Variants in NAGPA observed in about 807,000 individuals in gnomAD.
The protein encoded by NAGPA is alpha-N-acetylglucosaminyl phosphodiesterase.
Under a neutral mutation model 48.5 loss-of-function variants are expected in NAGPA, and 56 were observed. The ratio of observed to expected loss-of-function variants is 1.15; its 90% CI spans 0.93 to 1.44. NAGPA has a LOEUF of 1.44. Ranked by LOEUF, NAGPA falls within the 40% of genes most tolerant of loss-of-function variation. The pLI, the probability that NAGPA is intolerant of heterozygous loss-of-function variation, is 0.00. For missense variants in NAGPA, 888 were observed against 735.0 expected, an observed-to-expected ratio of 1.21 and a Z score of -2.41; for synonymous variants, 399 against 315.5, an observed-to-expected ratio of 1.26 and a Z score of -2.81.
In NAGPA at chr16:5,025,241, A is replaced by G; in HGVS notation, c.*237T>C. Reference sequence around the variant, plus strand: ...GGGCTTCTCGGCAGCAGACACAGGCAGGCCAGAAGCAGGCAGCTGAGCCTC... The same window carrying G: ...GGGCTTCTCGGCAGCAGACACAGGCGGGCCAGAAGCAGGCAGCTGAGCCTC... On this transcript the variant is annotated 3_prime_UTR_variant, in exon 10 of 10. Transcript: ENST00000312251. The G allele has an allele frequency of 1.7e-6, 1 of 582,062 alleles. No homozygotes were observed. Among genetic ancestry groups the G allele is most frequent in the Non-Finnish European group, 3.1e-6 (1 of 326,216 alleles). 36.1% of individuals were successfully genotyped at this position (582,062 alleles called of 1,614,324 possible).
Position 5,033,067 on chromosome 16 carries a change from G to A in NAGPA, c.542+206C>T, listed in dbSNP as rs560112440. ...CTGTGTTGTTCACGGCTATCTCACC[G>A]GGGCGCGGCACATTGCCTGATACAA... On this transcript the variant is annotated intron_variant, in intron 2 of 9. Coordinates refer to ENST00000312251, the MANE Select transcript of NAGPA (RefSeq NM_016256.4). This position sits in a 1 kb window ranked among gnomAD's most constrained non-coding sequence, Gnocchi z 4.2. The A allele has an allele frequency of 6.3e-6, 4 of 639,956 alleles. No homozygotes were observed. The highest frequency in any genetic ancestry group is 3.8e-5 in the South Asian group (2 of 52,138). 39.6% of individuals were successfully genotyped at this position (639,956 alleles called of 1,614,324 possible). A position where few individuals can be genotyped will look rare whatever the true frequency, so the allele number is the denominator to read the frequency against.
At position 5,033,598 on chromosome 16, in the gene NAGPA, CG is replaced by C; in HGVS notation, c.216del (p.Ala73ProfsTer22). 1 of 1,488,278 alleles carries C rather than the reference CG, an allele frequency of 6.7e-7. No individual in the cohort carries two copies. Among genetic ancestry groups the C allele is most frequent in the East Asian group, 2.5e-5 (1 of 39,582 alleles). 92.2% of individuals were successfully genotyped at this position (1,488,278 alleles called of 1,614,324 possible). A position where few individuals can be genotyped will look rare whatever the true frequency, so the allele number is the denominator to read the frequency against. On this transcript the variant is annotated frameshift_variant, in exon 2 of 10. Transcript: ENST00000312251. LOFTEE classifies it high-confidence loss of function. This position sits in a 1 kb window ranked among gnomAD's most constrained non-coding sequence, Gnocchi z 4.2. Reference sequence around the variant, plus strand: ...AAGGTGCGCACGGCCAGACCGCCGGCGCCGGGAGTCGCGGGAGGCGGAGGCC... The same window carrying C: ...AAGGTGCGCACGGCCAGACCGCCGGCCCGGGAGTCGCGGGAGGCGGAGGCC... ...ESWPPPPATP[G>X]AGGLAVRTFV...
chr16:5,032,001 C>T (rs1242629500), intron 2 of NAGPA, 117 bp from the exon 3 acceptor site: 8 of 1,341,014 alleles, frequency 6.0e-6, no homozygotes, highest in Non-Finnish European at 8.5e-6. Context: ...GCCCCAGGAA[C>T]CTCCTGGGGC....
chr16:5,025,278 T>G lies in NAGPA; in HGVS notation c.*200A>C. On this transcript the variant is annotated 3_prime_UTR_variant, in exon 10 of 10. Transcript: ENST00000312251. ...GGCAGCTGAGCCTCTCCAGCGAGCA[T>G]GGTATTGCTAGGGTTGCAGGTGCCC... The G allele has an allele frequency of 1.5e-6, 1 of 657,548 alleles. No homozygotes were observed. Among genetic ancestry groups the G allele is most frequent in the Non-Finnish European group, 2.7e-6 (1 of 375,468 alleles). The allele number at this position is 657,548 out of a possible 1,614,324, so 40.7% of individuals were successfully genotyped here.
intron 5 of NAGPA, chr16:5,028,577 C>G (rs926174899): frequency 1.8e-5 from 10 of 552,016 alleles, no homozygotes; most frequent in African/African-American, 1.7e-4. Context: ...TACAATCCCT[C>G]CCAGCCCTGG....
Position 5,033,022 on chromosome 16 carries a change from G to A in NAGPA, c.542+251C>T. The A allele has an allele frequency of 1.7e-6, 1 of 583,614 alleles. No homozygotes were observed. Among genetic ancestry groups the A allele is most frequent in the Non-Finnish European group, 3.0e-6 (1 of 329,424 alleles). The allele number at this position is 583,614 out of a possible 1,614,324, so 36.2% of individuals were successfully genotyped here. On this transcript the variant is annotated intron_variant, in intron 2 of 9. Transcript: ENST00000312251. The surrounding 1 kb of genome is among the most constrained non-coding windows in gnomAD (Gnocchi z 4.2). Reference sequence around the variant, plus strand: ...TTTGTTGATTTTTCTAGTAATGGGGGAGGGCTGTTAAGGCAAAGACTGTGT... The same window carrying A: ...TTTGTTGATTTTTCTAGTAATGGGGAAGGGCTGTTAAGGCAAAGACTGTGT...
chr16:5,025,854 C>A (rs1955990908), intron 9 of NAGPA, among the ~76,000 whole-genome samples, 169 bp from the exon 10 acceptor site: 1 of 151,724 alleles, frequency 6.6e-6, no homozygotes, highest in East Asian at 1.9e-4. Flanking sequence ...GATGGGGCAA[C>A]ATTTAAGACA....
In NAGPA at chr16:5,028,998, A is replaced by C. The variant is rs1354170633; in HGVS notation, c.802T>G (p.Trp268Gly). The C allele has an allele frequency of 1.2e-6, 2 of 1,613,536 alleles. No individual in the cohort carries two copies. The highest frequency in any genetic ancestry group is 1.7e-6 in the Non-Finnish European group (2 of 1,180,016). Reference sequence around the variant, plus strand: ...TTCAGCAGGAACTCCGCCATTTCCCACAGGTTGATGCTGCGGCACAAAGCG... The same window carrying C: ...TTCAGCAGGAACTCCGCCATTTCCCCCAGGTTGATGCTGCGGCACAAAGCG... ...GQTEQRGINL[W>G]EMAEFLLKQD... The change falls in exon 5 of 10, where the codon TGG (tryptophan) becomes GGG (glycine). Residue 268 changes from tryptophan (W) to glycine (G), a missense_variant. Trp to Gly is a radical substitution (Grantham distance 184). Transcript: ENST00000312251.
intron 4 of NAGPA, 63 bp downstream of exon 4, chr16:5,030,322 G>C (rs1366037146): frequency 2.1e-6 from 3 of 1,433,420 alleles, no homozygotes; most frequent in Non-Finnish European, 2.9e-6. Context: ...GGCTGTCATT[G>C]GGTCAACGTT....
rs1314544104 is a variant in NAGPA, at chr16:5,030,410, C to A, written c.766G>T (p.Ala256Ser). The change falls in exon 4 of 10, where the codon GCA becomes TCA. Residue 256 changes from alanine to serine, a missense_variant. Ala to Ser is a moderately conservative substitution (Grantham distance 99). Transcript: ENST00000312251. ...DRKGQLVLFH[A>S]DGQTEQRGIN... ...CCACGCTGCTCCGTTTGGCCGTCTG[C>A]ATGAAAGAGCACCAGCTGCCCTTTC... The A allele has an allele frequency of 1.3e-6, 2 of 1,552,708 alleles. No individual in the cohort carries two copies. The highest frequency in any genetic ancestry group is 2.4e-5 in the South Asian group (2 of 84,120).
chr16:5,030,666 G>A, intron 3 of NAGPA, 173 bp from the exon 4 acceptor site: 1 of 677,856 alleles, frequency 1.5e-6, no homozygotes, highest in East Asian at 2.7e-5. Context: ...AGGGCAGCCG[G>A]GGGGTCTCTT....
intron 7 of NAGPA, 85 bp from the exon 8 acceptor site, chr16:5,027,464 ACCTGCC>A: frequency 1.4e-6 from 2 of 1,387,572 alleles, no homozygotes; most frequent in Non-Finnish European, 2.0e-6. Context: ...AGGACAGGAT[ACCTGCC>A]CCTGCCCATG....
rs529879340 is a variant in NAGPA at position 5,026,225 on chromosome 16, G to A, written c.1341-540C>T. ...ATTACAGGCGTGAGCCACCACGCCT[G>A]GCCTGATATTTTAAGAGAAGCCATT... is the stretch of plus-strand genomic sequence containing the variant. On this transcript the variant is annotated intron_variant, in intron 9 of 9. Transcript: ENST00000312251. Among the ~76,000 whole-genome samples the A allele has an allele frequency of 2.6e-5, 4 of 151,044 alleles. No homozygotes were observed. In the East Asian group the frequency reaches 8.0e-4, roughly 30 times the overall value.
In NAGPA at chr16:5,027,148, A is replaced by G. The variant is rs750233095; in HGVS notation, c.1327T>C (p.Ser443Pro). The change falls in exon 9 of 10, where the codon TCC (serine) becomes CCC (proline). Residue 443 changes from serine to proline, a missense_variant. By Grantham distance (74) the Ser-to-Pro change is moderately conservative. Transcript: ENST00000312251. ...PEATLRAGEL[S>P]FFTRTAWLAL... ...AGAAGCACCTACCTGGTGAAAAAGGAGAGTTCTCCCGCCCTCAGGGTGGCT... is the reference window on the plus strand; with the variant it reads ...AGAAGCACCTACCTGGTGAAAAAGGGGAGTTCTCCCGCCCTCAGGGTGGCT... 7 of 1,614,062 alleles carry G rather than the reference A, an allele frequency of 4.3e-6. No homozygotes were observed. The highest frequency in any genetic ancestry group is 1.6e-4 in the Middle Eastern group (1 of 6,072).
At chr16:5,027,947 G>A in intron 6 of NAGPA, 33 bp downstream of exon 6, 1 of 1,613,724 alleles carries the variant, frequency 6.2e-7, no homozygotes, top group Non-Finnish European at 8.5e-7. Flanking sequence ...AGGCAGGGCT[G>A]GGCAGAGCCC....
chr16:5,031,421 C>T, intron 3 of NAGPA: 1 of 359,044 alleles, frequency 2.8e-6, no homozygotes, highest in Non-Finnish European at 5.4e-6. Flanking sequence ...CTGGGCCACG[C>T]CGATGTTGCA....
intron 2 of NAGPA, chr16:5,032,918 T>TA (rs770716813): frequency 3.0e-6 from 1 of 334,248 alleles, no homozygotes; most frequent in Non-Finnish European, 5.5e-6. Context: ...AAATCAACAC[T>TA]ATTTACAACG....
At chr16:5,025,759 T>C (rs1368530493) in intron 9 of NAGPA, 74 bp from the exon 10 acceptor site, 1 of 1,445,348 alleles carries the variant, frequency 6.9e-7, no homozygotes, top group Non-Finnish European at 9.5e-7. Flanking sequence ...TGGAGGGGCT[T>C]CCCTCTACCC....
In NAGPA at chr16:5,028,177, T is replaced by C. The variant is rs369403961; in HGVS notation, c.929A>G (p.Asn310Ser). ...CACTTGGCGGGGACAGCGCCACATG[T>C]TGTCCTGGCTGTAGAGGGATGTGAT... ...ASYPSDHCQD[N>S]MWRCPRQVST... Residue 310 changes from asparagine to serine, a missense_variant, in exon 6 of 10, where the codon AAC becomes AGC. Transcript: ENST00000312251. 1 of 1,561,340 alleles carries C rather than the reference T, an allele frequency of 6.4e-7. No homozygotes were observed. Among genetic ancestry groups the C allele is most frequent in the Non-Finnish European group, 8.7e-7 (1 of 1,152,348 alleles).
Sources: gnomAD v4.1 joint callset for allele counts (sites outside exome capture counted in the v4.1 genomes callset) on GRCh38, gnomAD v4.1.1 for gene constraint, Gnocchi (gnomAD v3.1) non-coding constraint, MANE v1.5 for transcripts, NCBI Gene and HGNC (gene_info 2026-07-23, HGNC 2026-07-21) for gene names.